GRIK4: variants seen among roughly 807,000 people sequenced by gnomAD.
GRIK4 encodes the protein glutamate receptor ionotropic, kainate 4.
A neutral mutation model predicts 104.9 loss-of-function variants in GRIK4; 40 were observed. That is an observed-to-expected ratio of 0.38 (90% confidence interval 0.30 to 0.50). The LOEUF (loss-of-function observed/expected upper bound fraction) is 0.50, where lower values mean the gene tolerates loss of function less well. Ranked by LOEUF, GRIK4 falls within the 20% of genes least tolerant of loss-of-function variation. The pLI is 0.93. For synonymous variants in GRIK4, 485 were observed against 524.9 expected (o/e 0.92, Z 1.04); for missense variants, 1,047 against 1,308.1 (o/e 0.80, Z 3.08).
chr11:120,695,513 C>T (rs775032135), intron 3 of GRIK4, among the ~76,000 whole-genome samples: 2 of 152,250 alleles, frequency 1.3e-5, no homozygotes, highest in African/African-American at 2.4e-5. Flanking sequence ...GTTAGCATTT[C>T]AGCGCCAAGG....
At chr11:120,694,327 C>G (rs1591810676) in intron 3 of GRIK4, among the ~76,000 whole-genome samples, 3 of 152,220 alleles carry the variant, frequency 2.0e-5, no homozygotes, top group African/African-American at 7.2e-5. Context: ...CTAAGACAGG[C>G]TCTTCCGCCT....
chr11:120,654,221 C>T (rs939877224), intron 2 of GRIK4, among the ~76,000 whole-genome samples: 1 of 152,198 alleles, frequency 6.6e-6, no homozygotes, highest in African/African-American at 2.4e-5. Context: ...AATTTGAACC[C>T]AGCACTGCTG....
chr11:120,572,267 G>A (rs554797043), intron 1 of GRIK4, among the ~76,000 whole-genome samples: 37 of 152,248 alleles, frequency 2.4e-4, no homozygotes, highest in Non-Finnish European at 4.6e-4. Flanking sequence ...CGTCACCTTG[G>A]GGGGTAAGAC....
intron 1 of GRIK4, among the ~76,000 whole-genome samples, chr11:120,541,645 C>T (rs532897725): frequency 1.3e-5 from 2 of 152,080 alleles, no homozygotes; most frequent in Middle Eastern, 3.2e-3. Context: ...GGTGTGCCAT[C>T]ACGCCTGGCT....
At chr11:120,950,348 T>G (rs771635043) in intron 14 of GRIK4, among the ~76,000 whole-genome samples, 24 of 152,254 alleles carry the variant, frequency 1.6e-4, no homozygotes, top group African/African-American at 5.1e-4. Context: ...CTAGGAATTT[T>G]TCCCACAGCT....
At chr11:120,791,605 G>C (rs2135492551) in intron 3 of GRIK4, among the ~76,000 whole-genome samples, 1 of 152,224 alleles carries the variant, frequency 6.6e-6, no homozygotes, top group Non-Finnish European at 1.5e-5. Context: ...TCTAAGTTTT[G>C]ATGACGTCTA....
chr11:120,666,583 G>A (rs1010460305), intron 3 of GRIK4, among the ~76,000 whole-genome samples: 3 of 152,238 alleles, frequency 2.0e-5, no homozygotes, highest in East Asian at 1.9e-4. Flanking sequence ...TGGTAGAAGT[G>A]TCAGACATGA....
intron 3 of GRIK4, among the ~76,000 whole-genome samples, chr11:120,663,789 T>C (rs1485964775): frequency 6.6e-6 from 1 of 152,146 alleles, no homozygotes; most frequent in Non-Finnish European, 1.5e-5. Context: ...CAAATCCAGC[T>C]CCTCCTTCTA....
intron 1 of GRIK4, among the ~76,000 whole-genome samples, chr11:120,587,383 C>T (rs1340286176): frequency 6.6e-6 from 1 of 152,084 alleles, no homozygotes; most frequent in African/African-American, 2.4e-5. Context: ...AGACCGTGAG[C>T]TTTGGATCAG....
intron 3 of GRIK4, among the ~76,000 whole-genome samples, chr11:120,748,665 C>T (rs1025986582): frequency 2.0e-5 from 3 of 152,332 alleles, no homozygotes; most frequent in East Asian, 3.9e-4. Context: ...ATGGCCTCCC[C>T]CTATACCTCA....
intron 3 of GRIK4, among the ~76,000 whole-genome samples, chr11:120,744,539 G>C (rs1169212195): frequency 2.0e-5 from 3 of 152,176 alleles, no homozygotes; most frequent in South Asian, 4.1e-4. Flanking sequence ...GGGCAAAGGG[G>C]GCAGTCGTGG....
intron 1 of GRIK4, among the ~76,000 whole-genome samples, chr11:120,608,674 G>A (rs756757862): frequency 1.6e-4 from 24 of 152,182 alleles, no homozygotes; most frequent in Non-Finnish European, 3.2e-4. Context: ...AAGCATATGG[G>A]TTTTTAACTA....
chr11:120,865,770 C>T (rs529940074), intron 9 of GRIK4, among the ~76,000 whole-genome samples: 5 of 152,258 alleles, frequency 3.3e-5, no homozygotes, highest in African/African-American at 1.2e-4. Flanking sequence ...GTGTCTTAGA[C>T]CATTTGTATT....
chr11:120,712,214 C>A lies in GRIK4; in HGVS notation c.82+51814C>A, dbSNP rs12279885. On this transcript the variant is annotated intron_variant, in intron 3 of 20. Transcript: ENST00000527524. ...TGCCCTTGGGGGTAGTGGAAGGCTT[C>A]TCAGAGGTGATGGAGAAGCCAGGTC... Among the ~76,000 whole-genome samples, 1,014 of 152,240 alleles carry A rather than the reference C, an allele frequency of 6.7e-3. 14 individuals carry two copies. The highest frequency in any genetic ancestry group is 0.023 in the African/African-American group (944 of 41,522).
At chr11:120,629,679 G>A (rs185369136) in intron 1 of GRIK4, among the ~76,000 whole-genome samples, 18 of 152,274 alleles carry the variant, frequency 1.2e-4, no homozygotes, top group Admixed American at 5.2e-4. Flanking sequence ...GCTCTTTTCC[G>A]ATTGTCCTGC....
At chr11:120,755,656 TAATAATAAA>T (rs1397903446) in intron 3 of GRIK4, among the ~76,000 whole-genome samples, 2 of 150,594 alleles carry the variant, frequency 1.3e-5, no homozygotes, top group African/African-American at 4.9e-5. Context: ...ATAATAATAA[TAATAATAAA>T]AATAATTTAC....
intron 11 of GRIK4, among the ~76,000 whole-genome samples, chr11:120,889,589 ATTTTTTTTT>A (rs369264259): frequency 1.1e-4 from 7 of 62,498 alleles, no homozygotes; most frequent in South Asian, 7.8e-4. Flanking sequence ...AAGAGCTTAC[ATTTTTTTTT>A]TTTTTTTTTT....
chr11:120,550,422 G>A (rs904901307), intron 1 of GRIK4, among the ~76,000 whole-genome samples: 2 of 152,150 alleles, frequency 1.3e-5, no homozygotes, highest in African/African-American at 2.4e-5. Context: ...GAGAGATGGC[G>A]TCAGCAGTTG....
chr11:120,832,001 GCCTCCATGTCCCACAC>G lies in GRIK4; in HGVS notation c.663_678del (p.Met223SerfsTer2). ...CGCCACCATCATCATCCACGCCAAC[GCCTCCATGTCCCACAC>G]CATCCTCCTGAAGGTGGGAGCCTCC... is the stretch of plus-strand genomic sequence containing the variant. On this transcript the variant is annotated frameshift_variant, in exon 7 of 21. Coordinates refer to ENST00000527524, the MANE Select transcript of GRIK4 (RefSeq NM_014619.5). LOFTEE classifies it high-confidence loss of function. The G allele has an allele frequency of 6.2e-7, 1 of 1,613,336 alleles. No individual in the cohort carries two copies. Among genetic ancestry groups the G allele is most frequent in the Non-Finnish European group, 8.5e-7 (1 of 1,179,806 alleles).
Sources: gnomAD v4.1 joint callset for allele counts (sites outside exome capture counted in the v4.1 genomes callset) on GRCh38, gnomAD v4.1.1 for gene constraint, MANE v1.5 for transcripts, NCBI Gene and HGNC (gene_info 2026-07-23, HGNC 2026-07-21) for gene names.